The following NBAS variants were observed in gnomAD, a reference collection of about 807,000 sequenced individuals.
NBAS encodes the protein NBAS subunit of NRZ tethering complex.
Under a neutral mutation model 302.5 loss-of-function variants are expected in NBAS, and 219 were observed. The ratio of observed to expected loss-of-function variants is 0.72; its 90% CI spans 0.65 to 0.81. The LOEUF (loss-of-function observed/expected upper bound fraction) is 0.81. NBAS is among the 30% of genes least tolerant of loss of function. The pLI is 0.00. For synonymous variants in NBAS, 1,118 were observed against 1,021.6 expected, an observed-to-expected ratio of 1.09 and a Z score of -1.80; for missense variants, 2,932 against 2,841.6, an observed-to-expected ratio of 1.03 and a Z score of -0.72.
chr2:14,893,248 C>G, the NBAS span, among the ~76,000 whole-genome samples: 1 of 152,100 alleles, frequency 6.6e-6, no homozygotes, highest in Non-Finnish European at 1.5e-5. Flanking sequence ...CCCTCTTTTC[C>G]TTCATCAGAT....
intron 35 of NBAS, among the ~76,000 whole-genome samples, chr2:15,342,304 A>T (rs901672140): frequency 6.6e-6 from 1 of 152,124 alleles, no homozygotes; most frequent in East Asian, 1.9e-4. Context: ...TAAAATAAAT[A>T]AATCAAAAAA....
chr2:15,327,566 G>C (rs1672127851), intron 38 of NBAS, among the ~76,000 whole-genome samples, 184 bp downstream of exon 38: 1 of 152,110 alleles, frequency 6.6e-6, no homozygotes, highest in Admixed American at 6.5e-5. Flanking sequence ...AAAATAGCAG[G>C]TTCTCAATAA....
At chr2:15,453,270 CA>C (rs1285570017) in intron 21 of NBAS, among the ~76,000 whole-genome samples, 2 of 152,156 alleles carry the variant, frequency 1.3e-5, no homozygotes, top group African/African-American at 4.8e-5. Context: ...CCAAAGCCAT[CA>C]GTTAAAGCAT....
At chr2:15,233,931 G>C (rs961940714) in intron 46 of NBAS, among the ~76,000 whole-genome samples, 11 of 152,176 alleles carry the variant, frequency 7.2e-5, no homozygotes, top group African/African-American at 2.7e-4. Context: ...ATTATTCACA[G>C]AAAGTCCTTG....
At chr2:15,212,702 C>T (rs1297115832) in intron 48 of NBAS, among the ~76,000 whole-genome samples, 2 of 152,108 alleles carry the variant, frequency 1.3e-5, no homozygotes, top group Non-Finnish European at 2.9e-5. Flanking sequence ...ATGCTATTCT[C>T]GTGATAGTAA....
At chr2:15,525,137 T>C (rs778965692) in intron 9 of NBAS, among the ~76,000 whole-genome samples, 6 of 152,178 alleles carry the variant, frequency 3.9e-5, no homozygotes, top group Non-Finnish European at 8.8e-5. Flanking sequence ...TCCATCCCAA[T>C]ACCAGCAATT....
chr2:14,857,585 C>T, the NBAS span, among the ~76,000 whole-genome samples: 92 of 152,156 alleles, frequency 6.0e-4, no homozygotes, highest in Admixed American at 1.6e-3. Flanking sequence ...AGGACAGTCT[C>T]TTCAATAAAT....
At chr2:15,117,034 T>A in the NBAS span, among the ~76,000 whole-genome samples, 1 of 152,188 alleles carries the variant, frequency 6.6e-6, no homozygotes, top group Admixed American at 6.5e-5. Context: ...CAATTTTCAA[T>A]GCAATGCTTC....
At chr2:15,256,293 TTTATTA>T (rs113934790) in intron 44 of NBAS, among the ~76,000 whole-genome samples, 2 of 151,780 alleles carry the variant, frequency 1.3e-5, no homozygotes, top group Middle Eastern at 3.4e-3. Context: ...TCCTAAGTAT[TTTATTA>T]TTATTATTAT....
intron 21 of NBAS, among the ~76,000 whole-genome samples, chr2:15,456,178 C>A (rs879894053): frequency 1.3e-5 from 2 of 152,176 alleles, no homozygotes; most frequent in Non-Finnish European, 2.9e-5. Context: ...GTCAAATACA[C>A]ATGATGATTT....
At chr2:15,123,852 C>T in the NBAS span, among the ~76,000 whole-genome samples, 4 of 152,122 alleles carry the variant, frequency 2.6e-5, no homozygotes, top group African/African-American at 7.2e-5. Context: ...CAAAAACAGA[C>T]TGATACAGAA....
intron 28 of NBAS, among the ~76,000 whole-genome samples, chr2:15,384,845 T>A (rs536386207): frequency 6.6e-6 from 1 of 152,330 alleles, no homozygotes; most frequent in South Asian, 2.1e-4. Context: ...TTTTCATGCA[T>A]CTTTTTATTT....
chr2:15,143,055 T>C, the NBAS span, among the ~76,000 whole-genome samples: 1 of 152,194 alleles, frequency 6.6e-6, no homozygotes, highest in Non-Finnish European at 1.5e-5. Flanking sequence ...CCCGTTGAAA[T>C]ATGTACTTGG....
At chr2:15,397,246 CTG>C (rs1283047173) in intron 26 of NBAS, among the ~76,000 whole-genome samples, 1 of 152,228 alleles carries the variant, frequency 6.6e-6, no homozygotes, top group East Asian at 1.9e-4. Context: ...CTAGACAACT[CTG>C]TGTCCCAAAC....
At chr2:15,030,343 G>T in the NBAS span, among the ~76,000 whole-genome samples, 1 of 152,210 alleles carries the variant, frequency 6.6e-6, no homozygotes, top group South Asian at 2.1e-4. Context: ...TTGAAGTTTG[G>T]ATTCTGTAGG....
the NBAS span, among the ~76,000 whole-genome samples, chr2:14,933,097 T>A: frequency 3.0e-3 from 461 of 152,308 alleles, 2 homozygotes; most frequent in African/African-American, 0.011. Flanking sequence ...TATAATCCTC[T>A]CATTTACAGA....
In NBAS at chr2:15,233,449, A is replaced by G. The variant is rs150410603; in HGVS notation, c.6147-938T>C. ...ATGGGCAATTTTTAAGAAATAAACT[A>G]AATTAATCAAAACACTAATTTTTCA... On this transcript the variant is annotated intron_variant, in intron 46 of 51. Coordinates refer to ENST00000281513, the MANE Select transcript of NBAS (RefSeq NM_015909.4). Among the ~76,000 whole-genome samples, 282 of 152,330 alleles carry G rather than the reference A, an allele frequency of 1.9e-3. 2 individuals carry two copies. Among genetic ancestry groups the G allele is most frequent in the African/African-American group, 6.3e-3 (262 of 41,590 alleles).
chr2:14,807,400 T>C, the NBAS span, among the ~76,000 whole-genome samples: 1 of 151,448 alleles, frequency 6.6e-6, no homozygotes, highest in Non-Finnish European at 1.5e-5. Flanking sequence ...TCCATAGCTC[T>C]TTATAGCTCT....
intron 30 of NBAS, among the ~76,000 whole-genome samples, chr2:15,377,622 C>G (rs1038340960): frequency 3.3e-5 from 5 of 152,248 alleles, no homozygotes; most frequent in African/African-American, 1.2e-4. Context: ...GCCATCTGGC[C>G]CTAGAAACTG....
Sources: allele counts gnomAD v4.1 joint callset (sites outside exome capture counted in the v4.1 genomes callset), GRCh38; gene constraint gnomAD v4.1.1; transcripts MANE v1.5; gene names NCBI Gene and HGNC (gene_info 2026-07-23, HGNC 2026-07-21).